TM2D1: variants seen among roughly 807,000 people sequenced by gnomAD.
TM2D1 encodes TM2 domain containing 1, also known as TM2 domain-containing protein 1.
A neutral mutation model predicts 28.4 loss-of-function variants in TM2D1; 15 were observed. The observed-to-expected ratio is 0.53, with a 90% CI of 0.35 to 0.81. The LOEUF is 0.81. Among genes scored for constraint, TM2D1 ranks in the 40% least tolerant of loss-of-function variants. The pLI, the probability that TM2D1 is intolerant of heterozygous loss-of-function variation, is 0.01. For synonymous variants in TM2D1, 93 were observed against 96.2 expected (o/e 0.97, Z 0.20); for missense variants, 236 against 254.9 (o/e 0.93, Z 0.50).
chr1:61,715,925 C>T (rs1487988220), intron 2 of TM2D1, among the ~76,000 whole-genome samples: 13 of 150,960 alleles, frequency 8.6e-5, no homozygotes, highest in African/African-American at 2.9e-4. Flanking sequence ...CCTCAGCCTC[C>T]CGAGTAGCTG....
intron 6 of TM2D1, 34 bp from the exon 7 acceptor site, chr1:61,681,384 A>G (rs779615738): frequency 6.6e-6 from 1 of 152,210 alleles, no homozygotes; most frequent in Admixed American, 6.5e-5. Flanking sequence ...TTAAAACACA[A>G]TATTTTTTAA....
At chr1:61,690,746 T>G (rs1016250101) in intron 5 of TM2D1, among the ~76,000 whole-genome samples, 1 of 152,134 alleles carries the variant, frequency 6.6e-6, no homozygotes, top group Non-Finnish European at 1.5e-5. Context: ...CTCAAAAAAT[T>G]TATGTGTGAA....
At chr1:61,684,645 T>A (rs1644270440) in intron 5 of TM2D1, among the ~76,000 whole-genome samples, 1 of 146,406 alleles carries the variant, frequency 6.8e-6, no homozygotes, top group Non-Finnish European at 1.5e-5. Context: ...ATTTGCAACA[T>A]GTTTATGCTG....
intron 5 of TM2D1, among the ~76,000 whole-genome samples, chr1:61,685,391 G>A (rs1644278109): frequency 6.6e-6 from 1 of 152,184 alleles, no homozygotes; most frequent in African/African-American, 2.4e-5. Context: ...AAACTTAAAT[G>A]TCAATTTAAA....
chr1:61,682,913 AAAAG>A (rs989741417), intron 6 of TM2D1, among the ~76,000 whole-genome samples: 3 of 151,734 alleles, frequency 2.0e-5, no homozygotes, highest in Non-Finnish European at 4.4e-5. Context: ...AAAAAAAAGA[AAAAG>A]AAAAAGATAA....
chr1:61,694,863 A>G, intron 4 of TM2D1, 93 bp from the exon 5 acceptor site: 1 of 603,046 alleles, frequency 1.7e-6, no homozygotes, highest in South Asian at 3.3e-5. Flanking sequence ...TTATATATAT[A>G]TATCACACTC....
chr1:61,723,788 T>TAAA lies in TM2D1; in HGVS notation c.165-5_165-3dup. On this transcript the variant is annotated splice_polypyrimidine_tract_variant and splice_region_variant and intron_variant, in intron 1 of 6. Coordinates refer to ENST00000606498, the MANE Select transcript of TM2D1 (RefSeq NM_032027.3). ...ATTTTTGGATCTTTACAAATATATG[T>TAAA]AAAAAAAAAAGTTAAGGAAATACGG... 6.0e-6 allele frequency: 8 copies of TAAA among 1,342,466 alleles called. No homozygotes were observed. Among genetic ancestry groups the TAAA allele is most frequent in the Non-Finnish European group, 6.1e-6 (6 of 988,890 alleles). 83.2% of individuals were successfully genotyped at this position (1,342,466 alleles called of 1,614,324 possible).
chr1:61,695,963 A>C (rs1644360159), intron 4 of TM2D1: 2 of 152,198 alleles, frequency 1.3e-5, no homozygotes, highest in African/African-American at 4.8e-5. Context: ...TAGTGCCAAC[A>C]ACATTGCCTG....
chr1:61,714,051 G>A (rs12738110), intron 2 of TM2D1, among the ~76,000 whole-genome samples: 2 of 146,100 alleles, frequency 1.4e-5, no homozygotes, highest in African/African-American at 2.5e-5. Context: ...GCCCGCCACC[G>A]CGCCCGGCTA....
chr1:61,685,303 G>A (rs567819630), intron 5 of TM2D1, among the ~76,000 whole-genome samples: 31 of 152,254 alleles, frequency 2.0e-4, no homozygotes, highest in Middle Eastern at 3.4e-3. Context: ...CAAAATTGAT[G>A]TAACACTTTT....
At chr1:61,688,745 A>C (rs1644303476) in intron 5 of TM2D1, among the ~76,000 whole-genome samples, 2 of 146,062 alleles carry the variant, frequency 1.4e-5, no homozygotes, top group Non-Finnish European at 3.0e-5. Flanking sequence ...CGCCACCCAA[A>C]AAAAAAAACT....
Position 61,683,584 on chromosome 1 carries a change from A to G in TM2D1, c.514-38T>C, listed in dbSNP as rs1307057094. On this transcript the variant is annotated intron_variant, in intron 5 of 6. Transcript: ENST00000606498. ...AAATTTCAAAATTATTCATTTTACA[A>G]AAGATATTTCACAGCACTTTGTTTA... The G allele has an allele frequency of 3.9e-6, 4 of 1,019,920 alleles. No individual in the cohort carries two copies. In the East Asian group the frequency reaches 1.1e-4, roughly 29 times the overall value. The allele number at this position is 1,019,920 out of a possible 1,614,324, so 63.2% of individuals were successfully genotyped here. A position where few individuals can be genotyped will look rare whatever the true frequency, so the allele number is the denominator to read the frequency against.
At chr1:61,687,929 A>G (rs1644295184) in intron 5 of TM2D1, among the ~76,000 whole-genome samples, 1 of 152,204 alleles carries the variant, frequency 6.6e-6, no homozygotes, top group Non-Finnish European at 1.5e-5. Context: ...ACTTTCTTAA[A>G]AGTCAGACTA....
chr1:61,706,303 A>C (rs1255486321), intron 3 of TM2D1, among the ~76,000 whole-genome samples: 2 of 152,126 alleles, frequency 1.3e-5, no homozygotes, highest in Non-Finnish European at 1.5e-5. Context: ...TCTCAGGCTC[A>C]AACCATCATC....
At chr1:61,717,049 A>C (rs145752833) in intron 2 of TM2D1, among the ~76,000 whole-genome samples, 15 of 152,262 alleles carry the variant, frequency 9.9e-5, no homozygotes, top group African/African-American at 3.6e-4. Flanking sequence ...ATATGACAAG[A>C]TCAAACAAGC....
intron 5 of TM2D1, among the ~76,000 whole-genome samples, chr1:61,693,358 G>T (rs563463694): frequency 1.3e-5 from 2 of 152,268 alleles, no homozygotes; most frequent in Admixed American, 6.5e-5. Flanking sequence ...ACCAAAGAAA[G>T]AACCTAGCAT....
At chr1:61,709,298 C>G in intron 3 of TM2D1, 31 bp downstream of exon 3, 1 of 1,349,800 alleles carries the variant, frequency 7.4e-7, no homozygotes, top group Non-Finnish European at 1.0e-6. Context: ...GGCAAGTAAT[C>G]TGAAAATTTA....
chr1:61,709,312 T>C lies in TM2D1; in HGVS notation c.347+17A>G. 4.6e-6 allele frequency: 7 copies of C among 1,528,998 alleles called. No homozygotes were observed. The South Asian group carries it at 6.9e-5, about 15-fold the overall frequency. The allele number at this position is 1,528,998 out of a possible 1,614,324, so 94.7% of individuals were successfully genotyped here. On this transcript the variant is annotated intron_variant, in intron 3 of 6. Transcript: ENST00000606498. Reference sequence around the variant, plus strand: ...AGGCAAGTAATCTGAAAATTTAAGTTTCAGTAATGTACTTACACATTTCGG... The same window carrying C: ...AGGCAAGTAATCTGAAAATTTAAGTCTCAGTAATGTACTTACACATTTCGG...
chr1:61,699,798 A>G (rs1317337742), intron 4 of TM2D1: 1 of 157,812 alleles, frequency 6.3e-6, no homozygotes, highest in East Asian at 1.8e-4. Context: ...CATTATTTCC[A>G]TATCACTTAG....
Sources: gnomAD v4.1 joint callset for allele counts (sites outside exome capture counted in the v4.1 genomes callset) on GRCh38, gnomAD v4.1.1 for gene constraint, MANE v1.5 for transcripts, NCBI Gene and HGNC (gene_info 2026-07-23, HGNC 2026-07-21) for gene names.